The following FARS2 variants were observed in gnomAD, a reference collection of about 807,000 sequenced individuals.
FARS2 encodes the protein phenylalanine--tRNA ligase, mitochondrial.
Under a neutral mutation model 46.4 loss-of-function variants are expected in FARS2, and 40 were observed. That is an observed-to-expected ratio of 0.86 (90% CI 0.67 to 1.12). The LOEUF (loss-of-function observed/expected upper bound fraction) is 1.12, where lower values mean the gene tolerates loss of function less well. Ranked by LOEUF, FARS2 falls within the 50% of genes most tolerant of loss-of-function variation. The pLI is 0.00. For synonymous variants in FARS2, 234 were observed against 214.9 expected, an observed-to-expected ratio of 1.09 and a Z score of -0.78; for missense variants, 513 against 567.9, an observed-to-expected ratio of 0.90 and a Z score of 0.98.
intron 4 of FARS2, among the ~76,000 whole-genome samples, chr6:5,515,824 T>C (rs1288718002): frequency 2.6e-5 from 4 of 152,224 alleles, no homozygotes. Flanking sequence ...TAATGTATAA[T>C]TTAGCATATC....
chr6:5,291,048 TC>T (rs1206441371), intron 1 of FARS2: 1 of 152,210 alleles, frequency 6.6e-6, no homozygotes, highest in African/African-American at 2.4e-5. Context: ...AAAATTTCTT[TC>T]CAAATGTCTT....
intron 1 of FARS2, among the ~76,000 whole-genome samples, chr6:5,269,926 A>C (rs1765829313): frequency 6.6e-6 from 1 of 152,218 alleles, no homozygotes; most frequent in Non-Finnish European, 1.5e-5. Context: ...TTTTCTGAGC[A>C]CAATTGAAGC....
intron 1 of FARS2, among the ~76,000 whole-genome samples, chr6:5,326,600 A>G (rs1053428340): frequency 6.6e-6 from 1 of 152,090 alleles, no homozygotes; most frequent in Non-Finnish European, 1.5e-5. Flanking sequence ...CTCCTGTGTC[A>G]CCTTCGTTAA....
chr6:5,334,351 T>G (rs777409011), intron 1 of FARS2, among the ~76,000 whole-genome samples: 32 of 152,168 alleles, frequency 2.1e-4, no homozygotes, highest in Non-Finnish European at 4.3e-4. Flanking sequence ...GCACAAACCA[T>G]TTGACTAGCA....
At chr6:5,274,333 C>G (rs1429834688) in intron 1 of FARS2, among the ~76,000 whole-genome samples, 1 of 152,188 alleles carries the variant, frequency 6.6e-6, no homozygotes, top group Non-Finnish European at 1.5e-5. Context: ...GATTGCATTC[C>G]CTCTTTACCA....
chr6:5,616,525 A>G (rs1775487471), intron 6 of FARS2, among the ~76,000 whole-genome samples: 1 of 152,210 alleles, frequency 6.6e-6, no homozygotes. Flanking sequence ...GAATATTTGC[A>G]TATATGTAAT....
chr6:5,558,908 C>A (rs1317015540), intron 5 of FARS2, among the ~76,000 whole-genome samples: 1 of 151,958 alleles, frequency 6.6e-6, no homozygotes, highest in East Asian at 1.9e-4. Context: ...TTGTAAGAGT[C>A]CATATGGCAG....
chr6:5,508,047 C>T (rs1460890565), intron 4 of FARS2, among the ~76,000 whole-genome samples: 2 of 152,206 alleles, frequency 1.3e-5, no homozygotes, highest in Non-Finnish European at 2.9e-5. Flanking sequence ...GCAAGGTATG[C>T]TTCTATGTTT....
At chr6:5,269,497 GAAA>G (rs1765798251) in intron 1 of FARS2, among the ~76,000 whole-genome samples, 1 of 148,616 alleles carries the variant, frequency 6.7e-6, no homozygotes. Context: ...AAAAAAAAGA[GAAA>G]AGAAGAGTCC....
At chr6:5,657,995 A>T in intron 6 of FARS2, among the ~76,000 whole-genome samples, 1 of 152,210 alleles carries the variant, frequency 6.6e-6, no homozygotes, top group East Asian at 1.9e-4. Flanking sequence ...ATAAGATAAC[A>T]TATTAAAAGC....
intron 1 of FARS2, among the ~76,000 whole-genome samples, chr6:5,279,387 AGAAAAAG>A (rs1766565796): frequency 7.6e-6 from 1 of 132,256 alleles, no homozygotes; most frequent in African/African-American, 2.9e-5. Flanking sequence ...AAAAAAAAAA[AGAAAAAG>A]AAAAAGAAAA....
chr6:5,403,539 C>T (rs1761383782), intron 2 of FARS2, among the ~76,000 whole-genome samples: 1 of 152,028 alleles, frequency 6.6e-6, no homozygotes, highest in South Asian at 2.1e-4. Context: ...TTTTTTACCC[C>T]TGGCTTCATG....
At chr6:5,490,731 G>C (rs919824614) in intron 4 of FARS2, among the ~76,000 whole-genome samples, 6 of 152,310 alleles carry the variant, frequency 3.9e-5, no homozygotes, top group African/African-American at 1.4e-4. Flanking sequence ...GGGGAAGCCA[G>C]GTGCTGTATT....
At chr6:5,260,028 T>C (rs1318858411), upstream of FARS2, among the ~76,000 whole-genome samples, 1 of 152,212 alleles carries the variant, frequency 6.6e-6, no homozygotes, top group Non-Finnish European at 1.5e-5. Flanking sequence ...TATCCTGCTG[T>C]CAAGGTCCAG....
rs1399902301 is a variant in FARS2 at position 5,469,768 on chromosome 6, A to G, written c.904+38596A>G. On this transcript the variant is annotated intron_variant, in intron 4 of 6. Coordinates refer to ENST00000274680, the MANE Select transcript of FARS2 (RefSeq NM_006567.5). ...TATAAGAATGAACAGAGCTTTTACAACTTTTCTTTTTCCTTTAAGGGAGCT... is the reference window on the plus strand; with the variant it reads ...TATAAGAATGAACAGAGCTTTTACAGCTTTTCTTTTTCCTTTAAGGGAGCT... 3.9e-5 allele frequency among the ~76,000 whole-genome samples: 6 copies of G among 152,224 alleles called. No homozygotes were observed. In the South Asian group the frequency reaches 1.0e-3, roughly 26 times the overall value.
chr6:5,508,802 C>G (rs1768258318), intron 4 of FARS2, among the ~76,000 whole-genome samples: 1 of 152,166 alleles, frequency 6.6e-6, no homozygotes, highest in Non-Finnish European at 1.5e-5. Flanking sequence ...GGGAAGCTAT[C>G]CCGCACGGAG....
At chr6:5,577,353 AGTGAGT>A (rs1773045595) in intron 5 of FARS2, among the ~76,000 whole-genome samples, 3 of 104,288 alleles carry the variant, frequency 2.9e-5, no homozygotes, top group Middle Eastern at 5.0e-3. Flanking sequence ...ATAGAGAGAG[AGTGAGT>A]GTGTGTGTGT....
intron 5 of FARS2, among the ~76,000 whole-genome samples, chr6:5,592,153 G>A (rs1773953377): frequency 6.6e-6 from 1 of 152,210 alleles, no homozygotes; most frequent in South Asian, 2.1e-4. Flanking sequence ...GGGAGGCCAA[G>A]GTGGGAAGAC....
At chr6:5,621,247 T>C (rs1775759761) in intron 6 of FARS2, among the ~76,000 whole-genome samples, 1 of 151,776 alleles carries the variant, frequency 6.6e-6, no homozygotes, top group African/African-American at 2.4e-5. Flanking sequence ...CCACCACACT[T>C]GGCTAACTTT....
Sources: allele counts gnomAD v4.1 joint callset (sites outside exome capture counted in the v4.1 genomes callset), GRCh38; gene constraint gnomAD v4.1.1; transcripts MANE v1.5; gene names NCBI Gene and HGNC (gene_info 2026-07-23, HGNC 2026-07-21).